PLXNC1: variants seen among roughly 807,000 people sequenced by gnomAD.
PLXNC1 encodes the protein plexin-C1.
PLXNC1 carries 75 observed loss-of-function variants against 178.2 expected under a neutral mutation model. That is an observed-to-expected ratio of 0.42 (90% CI 0.35 to 0.51). The LOEUF (loss-of-function observed/expected upper bound fraction) is 0.51, where lower values mean the gene tolerates loss of function less well. Ranked by LOEUF, PLXNC1 falls within the 20% of genes least tolerant of loss-of-function variation. The pLI is 0.02. For missense variants in PLXNC1, 1,503 were observed against 1,984.4 expected (o/e 0.76, Z 4.61); for synonymous variants, 790 against 779.9 (o/e 1.01, Z -0.22).
intron 5 of PLXNC1, among the ~76,000 whole-genome samples, chr12:94,214,962 T>A (rs1963600004): frequency 6.6e-6 from 1 of 152,114 alleles, no homozygotes; most frequent in Non-Finnish European, 1.5e-5. Flanking sequence ...TGTGGCGCGA[T>A]CATGGTTCAC....
intron 1 of PLXNC1, chr12:94,158,330 A>G (rs1214514298): frequency 6.6e-6 from 1 of 152,244 alleles, no homozygotes; most frequent in Non-Finnish European, 1.5e-5. Context: ...CAAGCAGCTC[A>G]CCAGGCTGCG....
In PLXNC1 at chr12:94,258,176, T is replaced by C. The variant is rs561497203; in HGVS notation, c.3088-1161T>C. Among the ~76,000 whole-genome samples the C allele has an allele frequency of 2.0e-5, 3 of 152,266 alleles. No individual in the cohort carries two copies. In the South Asian group the frequency reaches 6.2e-4, roughly 32 times the overall value. On this transcript the variant is annotated intron_variant, in intron 17 of 30. Coordinates refer to ENST00000258526, the MANE Select transcript of PLXNC1 (RefSeq NM_005761.3). ...CACACAGAGAGAACCAGGGCGGCAC[T>C]TCCGTATTTACGATTAAGAATCAAC...
At chr12:94,303,547 A>G (rs1428256166) in intron 28 of PLXNC1, among the ~76,000 whole-genome samples, 3 of 152,308 alleles carry the variant, frequency 2.0e-5, no homozygotes, top group East Asian at 3.9e-4. Context: ...CCTGAAAATA[A>G]CAGTGACTCA....
chr12:94,215,942 T>G (rs1444546377), intron 5 of PLXNC1, among the ~76,000 whole-genome samples: 1 of 152,140 alleles, frequency 6.6e-6, no homozygotes, highest in Non-Finnish European at 1.5e-5. Context: ...AGAAAAATAT[T>G]CATATACATG....
intron 1 of PLXNC1, among the ~76,000 whole-genome samples, chr12:94,157,065 G>A (rs1417463864): frequency 6.6e-6 from 1 of 152,170 alleles, no homozygotes; most frequent in African/African-American, 2.4e-5. Context: ...ATGACTTTCT[G>A]TATTATTTAG....
At chr12:94,211,771 G>A (rs1184102783) in intron 5 of PLXNC1, among the ~76,000 whole-genome samples, 2 of 152,334 alleles carry the variant, frequency 1.3e-5, no homozygotes, top group East Asian at 3.9e-4. Flanking sequence ...AGGTTTTGTT[G>A]AGTAAAAACA....
At chr12:94,268,656 G>A (rs149261164) in intron 21 of PLXNC1, among the ~76,000 whole-genome samples, 3 of 143,770 alleles carry the variant, frequency 2.1e-5, no homozygotes, top group Non-Finnish European at 4.5e-5. Flanking sequence ...GTGCAGTGGC[G>A]CAGTCTTGGC....
chr12:94,198,437 G>T (rs751845835), intron 4 of PLXNC1, among the ~76,000 whole-genome samples: 2 of 151,942 alleles, frequency 1.3e-5, no homozygotes, highest in Non-Finnish European at 2.9e-5. Flanking sequence ...AACCACCCTG[G>T]CACACATTTG....
rs765020076 is a variant in PLXNC1 at position 94,279,493 on chromosome 12, A to C, written c.3619A>C (p.Lys1207Gln). The C allele has an allele frequency of 1.9e-6, 3 of 1,613,596 alleles. No individual in the cohort carries two copies. In the South Asian group the frequency reaches 3.3e-5, roughly 18 times the overall value. The change falls in exon 22 of 31, where the codon AAA (lysine) becomes CAA (glutamine). Residue 1207 changes from lysine (K) to glutamine (Q), a missense_variant. Physicochemically the swap from Lys to Gln is moderately conservative, Grantham distance 53. Transcript: ENST00000258526. ...STVALNVVFEKIPENESADVC... is the reference protein window; with the variant it reads ...STVALNVVFEQIPENESADVC... ...GCAGGCATTAAACGTCGTCTTTGAA[A>C]AAATCCCGGAAAACGAGAGTGCAGA...
intron 1 of PLXNC1, among the ~76,000 whole-genome samples, chr12:94,157,200 G>C (rs768005742): frequency 6.6e-6 from 1 of 152,174 alleles, no homozygotes; most frequent in Admixed American, 6.5e-5. Context: ...CCGACTAGAA[G>C]AGGATCAAAC....
intron 4 of PLXNC1, among the ~76,000 whole-genome samples, chr12:94,195,946 C>T (rs1055087522): frequency 3.9e-5 from 6 of 152,264 alleles, no homozygotes; most frequent in Admixed American, 6.5e-5. Context: ...CTTGTGGACA[C>T]GTCCCAGCTC....
intron 4 of PLXNC1, among the ~76,000 whole-genome samples, chr12:94,199,593 G>C (rs938463036): frequency 2.0e-5 from 3 of 152,118 alleles, no homozygotes; most frequent in African/African-American, 7.2e-5. Context: ...AGGGGTCTGG[G>C]GGTCAACCTG....
chr12:94,173,278 T>C (rs961750587), intron 2 of PLXNC1, among the ~76,000 whole-genome samples: 16 of 152,246 alleles, frequency 1.1e-4, no homozygotes, highest in African/African-American at 3.9e-4. Flanking sequence ...TGGATTCCTT[T>C]GAGCTGACTC....
intron 14 of PLXNC1, 130 bp downstream of exon 14, chr12:94,248,542 G>A: frequency 1.3e-6 from 1 of 769,024 alleles, no homozygotes; most frequent in Non-Finnish European, 2.1e-6. Flanking sequence ...GATAAACAAA[G>A]CTGGTACTGC....
rs370506586 is a variant in PLXNC1 at position 94,158,849 on chromosome 12, TG to T, written c.1062+8819del. Among the ~76,000 whole-genome samples, 64 of 152,276 alleles carry T rather than the reference TG, an allele frequency of 4.2e-4. No homozygotes were observed. In the East Asian group the frequency reaches 0.011, roughly 26 times the overall value. On this transcript the variant is annotated intron_variant, in intron 1 of 30. Coordinates refer to ENST00000258526, the MANE Select transcript of PLXNC1 (RefSeq NM_005761.3). The stretch of plus-strand genomic sequence containing the variant: ...TGGGAACATGGGAGGAAGCAGGGGT[TG>T]GGAGTTTCCGGAGCCCTACAACTTG...
At chr12:94,185,987 G>C (rs1472201055) in intron 3 of PLXNC1, 1 of 195,462 alleles carries the variant, frequency 5.1e-6, no homozygotes, top group East Asian at 1.2e-4. Flanking sequence ...AGACACAGTG[G>C]TGCACGCCTG....
chr12:94,263,328 A>G (rs1965055138), intron 20 of PLXNC1, among the ~76,000 whole-genome samples: 1 of 152,104 alleles, frequency 6.6e-6, no homozygotes, highest in Admixed American at 6.6e-5. Context: ...AAGAGCCCGC[A>G]AGGGATTCTG....
In PLXNC1 at chr12:94,237,749, G is replaced by A. The variant is rs766607689; in HGVS notation, c.2066G>A (p.Arg689Gln). ...NVIVTGANFTRASNITMILKG... is the reference protein window; with the variant it reads ...NVIVTGANFTQASNITMILKG... ...ATAGTAACGGGAGCAAACTTTACCC[G>A]GGCATCGAACATCACAATGATCCTG... Residue 689 changes from arginine (R) to glutamine (Q), a missense_variant, in exon 10 of 31, where the codon CGG becomes CAG. This residue lies in a region of PLXNC1 where 615 missense variants were observed against 698.6 expected (regional missense o/e 0.88). Transcript: ENST00000258526. The A allele has an allele frequency of 3.8e-5, 61 of 1,613,836 alleles. No homozygotes were observed. Among genetic ancestry groups the A allele is most frequent in the African/African-American group, 6.7e-5 (5 of 74,906 alleles).
intron 21 of PLXNC1, chr12:94,272,135 T>A (rs917921241): frequency 4.6e-5 from 7 of 152,166 alleles, no homozygotes; most frequent in African/African-American, 1.7e-4. Context: ...GTCTTTTCTT[T>A]CTCATAACCC....
Sources: gnomAD v4.1 joint callset for allele counts (sites outside exome capture counted in the v4.1 genomes callset) on GRCh38, gnomAD v4.1.1 for gene constraint, gnomAD v4.1.1 regional missense constraint, MANE v1.5 for transcripts, NCBI Gene and HGNC (gene_info 2026-07-23, HGNC 2026-07-21) for gene names.